Variants in PTPRR observed in about 807,000 individuals in gnomAD.
PTPRR encodes protein tyrosine phosphatase receptor type R.
In PTPRR, 38 loss-of-function variants were observed where a neutral mutation model predicts 77.2. The observed-to-expected ratio is 0.49, with a 90% confidence interval of 0.38 to 0.65. The LOEUF (loss-of-function observed/expected upper bound fraction) is 0.65, where lower values mean the gene tolerates loss of function less well. Ranked by LOEUF, PTPRR falls within the 30% of genes least tolerant of loss-of-function variation. PTPRR has a pLI of 0.00. For missense variants in PTPRR, 744 were observed against 799.2 expected (o/e 0.93, Z 0.83); for synonymous variants, 299 against 283.1 (o/e 1.06, Z -0.57).
At chr12:70,660,769 C>A (rs1290736193) in intron 12 of PTPRR, among the ~76,000 whole-genome samples, 171 bp downstream of exon 12, 5 of 152,224 alleles carry the variant, frequency 3.3e-5, no homozygotes, top group Non-Finnish European at 7.3e-5. Flanking sequence ...GACTTCACTT[C>A]TGTCAGCATA....
At position 70,831,708 on chromosome 12, in the gene PTPRR, G is replaced by T. The variant is rs1565712113; in HGVS notation, c.357+60971C>A. ...AGCTATCATTTCAGGCCTGCCTTCT[G>T]GCTCACCTGCATGTAGCCACATAAA... On this transcript the variant is annotated intron_variant, in intron 2 of 13. Coordinates refer to ENST00000283228, the MANE Select transcript of PTPRR (RefSeq NM_002849.4). Among the ~76,000 whole-genome samples the T allele has an allele frequency of 3.9e-5, 6 of 152,128 alleles. No homozygotes were observed. In the South Asian group the frequency reaches 1.2e-3, roughly 31 times the overall value.
chr12:70,669,587 C>CACACACAA (rs1217246223), intron 10 of PTPRR, among the ~76,000 whole-genome samples: 1 of 150,798 alleles, frequency 6.6e-6, no homozygotes, highest in Admixed American at 6.6e-5. Context: ...CACACACACA[C>CACACACAA]AAGCTTGCAC....
chr12:70,861,029 A>AT (rs1892744460), intron 2 of PTPRR, among the ~76,000 whole-genome samples: 2 of 152,184 alleles, frequency 1.3e-5, no homozygotes, highest in African/African-American at 4.8e-5. Context: ...AAAAGCAGGG[A>AT]TTTTTTGTTT....
Position 70,638,308 on chromosome 12 carries a change from T to C in PTPRR, c.*876A>G, listed in dbSNP as rs1296766476. 13 of 152,380 alleles carry C rather than the reference T, an allele frequency of 8.5e-5. No individual in the cohort carries two copies. Among genetic ancestry groups the C allele is most frequent in the Admixed American group, 8.5e-4 (13 of 15,270 alleles). The allele number at this position is 152,380 out of a possible 1,614,324, so 9.4% of individuals were successfully genotyped here. A position where few individuals can be genotyped will look rare whatever the true frequency, so the allele number is the denominator to read the frequency against. On this transcript the variant is annotated 3_prime_UTR_variant, in exon 14 of 14. Coordinates refer to ENST00000283228, the MANE Select transcript of PTPRR (RefSeq NM_002849.4). ...ATTCCTGAAGGCATATACCTTTTGT[T>C]GAGAGAGAGATTCCAGGTAGATAGC...
intron 6 of PTPRR, among the ~76,000 whole-genome samples, chr12:70,725,743 T>TA (rs1040978785): frequency 2.0e-5 from 3 of 152,310 alleles, no homozygotes; most frequent in South Asian, 2.1e-4. Context: ...AGAGTAATGG[T>TA]AAAACATCCC....
chr12:70,729,076 C>T (rs531914262), intron 6 of PTPRR, among the ~76,000 whole-genome samples: 1 of 152,178 alleles, frequency 6.6e-6, no homozygotes, highest in African/African-American at 2.4e-5. Flanking sequence ...TCCTTGCGAC[C>T]TGGACCAGGG....
intron 6 of PTPRR, among the ~76,000 whole-genome samples, chr12:70,715,756 G>A (rs1014878116): frequency 6.6e-6 from 1 of 152,140 alleles, no homozygotes; most frequent in Non-Finnish European, 1.5e-5. Context: ...CTTGTTCCCT[G>A]AACATTGCTG....
intron 2 of PTPRR, among the ~76,000 whole-genome samples, chr12:70,854,314 C>A (rs1053386139): frequency 6.6e-6 from 1 of 152,190 alleles, no homozygotes; most frequent in South Asian, 2.1e-4. Flanking sequence ...GCCAGCTGTT[C>A]CTGCCAATGT....
intron 2 of PTPRR, among the ~76,000 whole-genome samples, chr12:70,825,596 C>G (rs1892095017): frequency 6.6e-6 from 1 of 152,190 alleles, no homozygotes; most frequent in Admixed American, 6.5e-5. Flanking sequence ...ATCCCTTTCC[C>G]TCTATTAGAC....
intron 2 of PTPRR, among the ~76,000 whole-genome samples, chr12:70,828,964 A>T (rs1892163904): frequency 6.6e-6 from 1 of 152,138 alleles, no homozygotes; most frequent in South Asian, 2.1e-4. Context: ...GGTGCCGGGG[A>T]TACAAAGTCT....
intron 6 of PTPRR, among the ~76,000 whole-genome samples, chr12:70,745,021 T>C (rs549453782): frequency 6.6e-6 from 1 of 152,362 alleles, no homozygotes; most frequent in East Asian, 1.9e-4. Context: ...GTGAATCACA[T>C]GTATAATACA....
intron 2 of PTPRR, among the ~76,000 whole-genome samples, chr12:70,787,882 T>G (rs1306840692): frequency 6.6e-6 from 1 of 151,762 alleles, no homozygotes; most frequent in African/African-American, 2.4e-5. Context: ...TTGTTATTCA[T>G]CATCAAGGAC....
At chr12:70,733,466 ATGG>A (rs1889749269) in intron 6 of PTPRR, among the ~76,000 whole-genome samples, 14 of 80,040 alleles carry the variant, frequency 1.7e-4, no homozygotes, top group African/African-American at 3.5e-4. Flanking sequence ...AAGAAAAATT[ATGG>A]CAAAAAAAAA....
chr12:70,646,578 A>G (rs1295828972), intron 13 of PTPRR, among the ~76,000 whole-genome samples: 1 of 152,222 alleles, frequency 6.6e-6, no homozygotes, highest in Non-Finnish European at 1.5e-5. Flanking sequence ...AGATTCAGTC[A>G]GCATAATATG....
intron 2 of PTPRR, among the ~76,000 whole-genome samples, chr12:70,886,319 A>G (rs1314287319): frequency 6.6e-6 from 1 of 152,242 alleles, no homozygotes; most frequent in African/African-American, 2.4e-5. Flanking sequence ...GCGATTATAT[A>G]AGAAGGTGAT....
chr12:70,650,609 T>C (rs1232994084), intron 13 of PTPRR, among the ~76,000 whole-genome samples: 1 of 152,072 alleles, frequency 6.6e-6, no homozygotes, highest in Non-Finnish European at 1.5e-5. Flanking sequence ...CTGGGAAAGC[T>C]GGTTAAGACA....
At chr12:70,913,429 T>C (rs1163656893) in intron 1 of PTPRR, among the ~76,000 whole-genome samples, 1 of 152,200 alleles carries the variant, frequency 6.6e-6, no homozygotes, top group African/African-American at 2.4e-5. Flanking sequence ...GTCTTGTATT[T>C]GCTATAGGTA....
chr12:70,722,515 A>G (rs1286220479), intron 6 of PTPRR, among the ~76,000 whole-genome samples: 1 of 152,182 alleles, frequency 6.6e-6, no homozygotes, highest in Non-Finnish European at 1.5e-5. Context: ...CATGAGTTTG[A>G]AAGAGGAGAC....
intron 6 of PTPRR, among the ~76,000 whole-genome samples, chr12:70,733,751 A>G (rs962062465): frequency 1.3e-5 from 2 of 152,212 alleles, no homozygotes; most frequent in African/African-American, 4.8e-5. Context: ...ATATAAATAA[A>G]TTGAAGTGTA....
Sources: allele counts gnomAD v4.1 joint callset (sites outside exome capture counted in the v4.1 genomes callset), GRCh38; gene constraint gnomAD v4.1.1; transcripts MANE v1.5; gene names NCBI Gene and HGNC (gene_info 2026-07-23, HGNC 2026-07-21).